NEK10: variants seen among roughly 807,000 people sequenced by gnomAD.
The protein encoded by NEK10 is serine/threonine-protein kinase Nek10.
NEK10 carries 122 observed loss-of-function variants against 159.8 expected under a neutral mutation model. The ratio of observed to expected loss-of-function variants is 0.76; its 90% CI spans 0.66 to 0.89. The LOEUF (loss-of-function observed/expected upper bound fraction) is 0.89. NEK10 is among the 40% of genes least tolerant of loss of function. The pLI is 0.00. For missense variants in NEK10, 1,342 were observed against 1,323.1 expected (o/e 1.01, Z -0.22); for synonymous variants, 466 against 457.1 (o/e 1.02, Z -0.25).
intron 3 of NEK10, among the ~76,000 whole-genome samples, chr3:27,350,049 T>C (rs1040851380): frequency 1.3e-5 from 2 of 152,166 alleles, no homozygotes; most frequent in Non-Finnish European, 2.9e-5. Context: ...CTCTGCACTC[T>C]CTACCTACAA....
At position 27,307,877 on chromosome 3, in the gene NEK10, T is replaced by C. The variant is rs1055699492; in HGVS notation, c.785A>G (p.Tyr262Cys). The change falls in exon 11 of 36, where the codon TAT (tyrosine) becomes TGT (cysteine). Residue 262 changes from tyrosine (Y) to cysteine (C), a missense_variant. Physicochemically the swap from Tyr to Cys is radical, Grantham distance 194. Transcript: ENST00000691995. ...ATCCTACCTTTTAGAAAGCAAGTCA[T>C]ATTCATGTAAAATCATCAACAGATT... ...VENLLMILHE[Y>C]DLLSKRLTAE... The C allele has an allele frequency of 1.3e-6, 2 of 1,540,292 alleles. No homozygotes were observed. The highest frequency in any genetic ancestry group is 1.8e-6 in the Non-Finnish European group (2 of 1,113,566).
At chr3:27,230,031 T>A (rs760906916) in intron 23 of NEK10, among the ~76,000 whole-genome samples, 8 of 152,000 alleles carry the variant, frequency 5.3e-5, no homozygotes, top group Non-Finnish European at 1.0e-4. Flanking sequence ...TCCTGGGAAA[T>A]TAATTACAAA....
At chr3:27,299,893 T>C (rs963603549) in intron 13 of NEK10, among the ~76,000 whole-genome samples, 3 of 152,202 alleles carry the variant, frequency 2.0e-5, no homozygotes, top group Non-Finnish European at 2.9e-5. Context: ...CTGTACCCCA[T>C]TGTATCTAGG....
chr3:27,211,680 G>A (rs145308780), intron 23 of NEK10, among the ~76,000 whole-genome samples: 1 of 152,220 alleles, frequency 6.6e-6, no homozygotes, highest in Non-Finnish European at 1.5e-5. Flanking sequence ...TATCTGGCAT[G>A]TTTACTCGTT....
chr3:27,133,744 A>T (rs1942879004), intron 31 of NEK10, among the ~76,000 whole-genome samples: 1 of 152,262 alleles, frequency 6.6e-6, no homozygotes. Flanking sequence ...ATTGCACTCC[A>T]GCCTGGGCAA....
intron 5 of NEK10, among the ~76,000 whole-genome samples, chr3:27,331,562 T>G (rs1219907641): frequency 1.3e-5 from 2 of 152,228 alleles, no homozygotes; most frequent in East Asian, 3.9e-4. Flanking sequence ...TCCTCTCATC[T>G]AACCTCCCTC....
chr3:27,335,108 G>A (rs1442847580), intron 5 of NEK10, among the ~76,000 whole-genome samples: 1 of 152,116 alleles, frequency 6.6e-6, no homozygotes, highest in East Asian at 1.9e-4. Context: ...GGAGGCGGAG[G>A]CGAGTGGATC....
chr3:27,236,958 T>G, intron 23 of NEK10, among the ~76,000 whole-genome samples: 1 of 152,098 alleles, frequency 6.6e-6, no homozygotes, highest in African/African-American at 2.4e-5. Context: ...AGGGCATATT[T>G]CTGTCCTTAT....
At chr3:27,257,108 G>A (rs1044322726) in intron 22 of NEK10, among the ~76,000 whole-genome samples, 27 of 152,126 alleles carry the variant, frequency 1.8e-4, no homozygotes, top group African/African-American at 6.3e-4. Flanking sequence ...TAGAGACGTG[G>A]TTTTACCACG....
rs1363528000 is a variant in NEK10, at chr3:27,108,660, A to C, written c.*2612T>G. On this transcript the variant is annotated 3_prime_UTR_variant, in exon 36 of 36. Transcript: ENST00000691995. Reference sequence around the variant, plus strand: ...ATTATACAAGAGAAAGGGAAAAAATATATAAATGCAATCAAGAAAAGATTA... The same window carrying C: ...ATTATACAAGAGAAAGGGAAAAAATCTATAAATGCAATCAAGAAAAGATTA... Among the ~76,000 whole-genome samples, 1 of 152,248 alleles carries C rather than the reference A, an allele frequency of 6.6e-6. No homozygotes were observed. The highest frequency in any genetic ancestry group is 1.5e-5 in the Non-Finnish European group (1 of 68,040).
intron 5 of NEK10, among the ~76,000 whole-genome samples, chr3:27,335,806 TGAAA>T (rs1003458595): frequency 3.9e-5 from 6 of 152,102 alleles, no homozygotes; most frequent in Admixed American, 1.3e-4. Flanking sequence ...AAAAATTTCT[TGAAA>T]CAAATGAATG....
At chr3:27,172,964 G>A (rs1947153399) in intron 28 of NEK10, among the ~76,000 whole-genome samples, 2 of 152,116 alleles carry the variant, frequency 1.3e-5, no homozygotes, top group African/African-American at 4.8e-5. Context: ...TAGCATGAAA[G>A]CAGTCAAACA....
chr3:27,282,195 AAG>A (rs1400038487), intron 22 of NEK10, among the ~76,000 whole-genome samples: 4 of 152,146 alleles, frequency 2.6e-5, no homozygotes, highest in Admixed American at 2.0e-4. Context: ...CCATAAGAAA[AAG>A]AATAAAAAGT....
Position 27,253,546 on chromosome 3 carries a change from G to A in NEK10, c.2090+2750C>T, listed in dbSNP as rs183750618. ...TCTAGTACAATCGGTCCAGCAATGTGCCCACAAACCCTTTATCTAGCAGCT... is the reference window on the plus strand; with the variant it reads ...TCTAGTACAATCGGTCCAGCAATGTACCCACAAACCCTTTATCTAGCAGCT... On this transcript the variant is annotated intron_variant, in intron 23 of 35. Transcript: ENST00000691995. Among the ~76,000 whole-genome samples the A allele has an allele frequency of 1.1e-3, 173 of 152,250 alleles. 1 individual carries two copies. The highest frequency in any genetic ancestry group is 3.5e-3 in the African/African-American group (145 of 41,562).
intron 29 of NEK10, among the ~76,000 whole-genome samples, chr3:27,166,264 T>C (rs1407323176): frequency 6.6e-6 from 1 of 152,198 alleles, no homozygotes; most frequent in Non-Finnish European, 1.5e-5. Context: ...CAAAGTAGTA[T>C]AATGCTCCTG....
intron 20 of NEK10, 78 bp from the exon 21 acceptor site, chr3:27,285,039 A>G: frequency 8.9e-7 from 1 of 1,126,210 alleles, no homozygotes; most frequent in Non-Finnish European, 1.3e-6. Context: ...ATGAGAGTTC[A>G]AGCTTCCCAG....
intron 6 of NEK10, among the ~76,000 whole-genome samples, chr3:27,319,906 C>T (rs893082489): frequency 1.1e-4 from 17 of 152,008 alleles, no homozygotes; most frequent in African/African-American, 4.1e-4. Flanking sequence ...TTGGAAGAGC[C>T]GCTATGGACC....
At chr3:27,261,283 C>T (rs2040390186) in intron 22 of NEK10, among the ~76,000 whole-genome samples, 1 of 152,120 alleles carries the variant, frequency 6.6e-6, no homozygotes, top group African/African-American at 2.4e-5. Flanking sequence ...TGTGTTTGCT[C>T]TTACTTCTCT....
chr3:27,314,354 C>A lies in NEK10; in HGVS notation c.448-16G>T. The stretch of plus-strand genomic sequence containing the variant: ...GGAGTATTTCCTAATAAAATAAAAG[C>A]AACAAAACACATGTAAATGATGAGG... On this transcript the variant is annotated splice_polypyrimidine_tract_variant and intron_variant, in intron 6 of 35. Coordinates refer to ENST00000691995, the MANE Select transcript of NEK10 (RefSeq NM_001394966.1). The A allele has an allele frequency of 6.5e-7, 1 of 1,544,466 alleles. No individual in the cohort carries two copies. Among genetic ancestry groups the A allele is most frequent in the Non-Finnish European group, 8.9e-7 (1 of 1,123,338 alleles).
Sources: gnomAD v4.1 joint callset for allele counts (sites outside exome capture counted in the v4.1 genomes callset) on GRCh38, gnomAD v4.1.1 for gene constraint, MANE v1.5 for transcripts, NCBI Gene and HGNC (gene_info 2026-07-23, HGNC 2026-07-21) for gene names.